EDIL3: variants seen among roughly 807,000 people sequenced by gnomAD.
EDIL3 encodes the protein EGF-like repeat and discoidin I-like domain-containing protein 3.
Under a neutral mutation model 67.4 loss-of-function variants are expected in EDIL3, and 37 were observed. The observed-to-expected ratio is 0.55, with a 90% CI of 0.42 to 0.72. EDIL3 has a LOEUF of 0.72. EDIL3 is among the 30% of genes least tolerant of loss of function. The pLI is 0.00. For synonymous variants in EDIL3, 195 were observed against 196.3 expected (o/e 0.99, Z 0.05); for missense variants, 527 against 586.3 (o/e 0.90, Z 1.04).
intron 1 of EDIL3, among the ~76,000 whole-genome samples, chr5:84,306,033 A>G (rs999837863): frequency 7.4e-5 from 11 of 149,248 alleles, no homozygotes; most frequent in African/African-American, 2.7e-4. Flanking sequence ...TCTTAAGGAG[A>G]AAAAAAAAAG....
chr5:84,060,624 A>C (rs1375468097), intron 8 of EDIL3, 140 bp from the exon 9 acceptor site: 1 of 915,780 alleles, frequency 1.1e-6, no homozygotes, highest in Non-Finnish European at 1.6e-6. Context: ...ATCCAAAAAA[A>C]AGCTATAATC....
intron 1 of EDIL3, among the ~76,000 whole-genome samples, chr5:84,262,857 T>C (rs1311875068): frequency 1.3e-5 from 2 of 151,330 alleles, no homozygotes; most frequent in Admixed American, 1.3e-4. Flanking sequence ...GTTTAGTAGA[T>C]ATGGGGTTTC....
At chr5:84,161,888 A>G (rs1352089716) in intron 4 of EDIL3, among the ~76,000 whole-genome samples, 1 of 152,174 alleles carries the variant, frequency 6.6e-6, no homozygotes, top group East Asian at 1.9e-4. Flanking sequence ...AATGTGGAAG[A>G]CTAGGTTGGA....
intron 6 of EDIL3, among the ~76,000 whole-genome samples, chr5:84,087,715 A>G (rs1368418898): frequency 6.6e-6 from 1 of 152,190 alleles, no homozygotes; most frequent in Non-Finnish European, 1.5e-5. Flanking sequence ...TACATAGTCT[A>G]ATTACTAGCT....
intron 9 of EDIL3, among the ~76,000 whole-genome samples, chr5:83,970,652 T>TATATAC (rs1554061344): frequency 6.8e-5 from 1 of 14,712 alleles, no homozygotes; most frequent in African/African-American, 1.2e-4. Context: ...AGTATATATA[T>TATATAC]ATATATATAT....
intron 2 of EDIL3, among the ~76,000 whole-genome samples, chr5:84,247,907 C>T (rs903317586): frequency 3.3e-5 from 5 of 151,904 alleles, no homozygotes; most frequent in African/African-American, 9.7e-5. Context: ...GTCAATAATA[C>T]ACATACTTTT....
intron 3 of EDIL3, chr5:84,197,088 C>T (rs1157277608): frequency 6.6e-6 from 1 of 152,006 alleles, no homozygotes; most frequent in Admixed American, 6.6e-5. Context: ...ATCATTTGAA[C>T]ATCAGCACAA....
chr5:84,267,505 A>G (rs1745373108), intron 1 of EDIL3, among the ~76,000 whole-genome samples: 1 of 152,328 alleles, frequency 6.6e-6, no homozygotes, highest in East Asian at 1.9e-4. Flanking sequence ...CTAGAAAGAT[A>G]TATTGGTTCC....
chr5:84,309,745 G>A (rs1454262116), intron 1 of EDIL3, among the ~76,000 whole-genome samples: 2 of 152,058 alleles, frequency 1.3e-5, no homozygotes, highest in African/African-American at 4.8e-5. Flanking sequence ...GTCGATCATT[G>A]TTGGACATTT....
At chr5:84,322,063 A>ATAT (rs995396579) in intron 1 of EDIL3, among the ~76,000 whole-genome samples, 1 of 151,318 alleles carries the variant, frequency 6.6e-6, no homozygotes, top group Non-Finnish European at 1.5e-5. Context: ...AATAATAATG[A>ATAT]TATAATAATA....
intron 9 of EDIL3, chr5:84,047,912 G>A (rs1026082106): frequency 2.6e-5 from 4 of 152,524 alleles, no homozygotes; most frequent in African/African-American, 9.7e-5. Context: ...TAATTGGATA[G>A]TGGGGATTCC....
chr5:84,022,446 C>T lies in EDIL3; in HGVS notation c.1137+37854G>A, dbSNP rs535733874. Among the ~76,000 whole-genome samples the T allele has an allele frequency of 2.6e-5, 4 of 151,956 alleles. No homozygotes were observed. The East Asian group carries it at 7.7e-4, about 29-fold the overall frequency. On this transcript the variant is annotated intron_variant, in intron 9 of 10. Transcript: ENST00000296591. Reference sequence around the variant, plus strand: ...ATAGTAAAGGTCATATATGATTAAGCCACAGCTACACAAATTTAATATTTA... The same window carrying T: ...ATAGTAAAGGTCATATATGATTAAGTCACAGCTACACAAATTTAATATTTA...
intron 1 of EDIL3, among the ~76,000 whole-genome samples, chr5:84,353,440 T>G (rs1468512635): frequency 1.3e-5 from 2 of 152,204 alleles, no homozygotes; most frequent in Non-Finnish European, 2.9e-5. Flanking sequence ...GCAAGATAGA[T>G]ACTACCCAAA....
At chr5:84,169,517 A>T (rs1748771767) in intron 4 of EDIL3, among the ~76,000 whole-genome samples, 1 of 151,884 alleles carries the variant, frequency 6.6e-6, no homozygotes. Context: ...AGGACACCTC[A>T]TGTTGCCCTT....
chr5:84,051,127 C>T (rs1172805563), intron 9 of EDIL3, among the ~76,000 whole-genome samples: 2 of 152,168 alleles, frequency 1.3e-5, no homozygotes, highest in Admixed American at 6.5e-5. Flanking sequence ...TCCAGAGGAA[C>T]GATCAGACAG....
chr5:84,095,918 C>T (rs1747254277), intron 6 of EDIL3, among the ~76,000 whole-genome samples: 1 of 152,198 alleles, frequency 6.6e-6, no homozygotes, highest in Admixed American at 6.5e-5. Context: ...GGGCTGGGCC[C>T]AGGGTCCCCG....
intron 3 of EDIL3, among the ~76,000 whole-genome samples, chr5:84,218,737 G>T (rs1376271442): frequency 3.3e-5 from 5 of 152,194 alleles, no homozygotes; most frequent in Non-Finnish European, 5.9e-5. Flanking sequence ...ATGACTCAAG[G>T]GCCCTGGGGC....
chr5:84,384,181 T>C (rs867234467), intron 1 of EDIL3, 127 bp downstream of exon 1: 16 of 1,219,392 alleles, frequency 1.3e-5, no homozygotes, highest in Non-Finnish European at 1.7e-5. Flanking sequence ...CGACGCCTCC[T>C]CCGCGCCGCC....
chr5:84,162,177 T>G (rs576959845), intron 4 of EDIL3, among the ~76,000 whole-genome samples: 176 of 152,102 alleles, frequency 1.2e-3, no homozygotes, highest in African/African-American at 3.4e-3. Context: ...CCATTCTGGG[T>G]TCTGGATTAT....
Sources: allele counts gnomAD v4.1 joint callset (sites outside exome capture counted in the v4.1 genomes callset), GRCh38; gene constraint gnomAD v4.1.1; transcripts MANE v1.5; gene names NCBI Gene and HGNC (gene_info 2026-07-23, HGNC 2026-07-21).